The following CHIC2 variants were observed in gnomAD, a reference collection of about 807,000 sequenced individuals.
The protein encoded by CHIC2 is cysteine rich hydrophobic domain 2, also known as cysteine-rich hydrophobic domain-containing protein 2.
Under a neutral mutation model 25.9 loss-of-function variants are expected in CHIC2, and 14 were observed. The observed-to-expected ratio is 0.54, with a 90% CI of 0.36 to 0.85. The LOEUF is 0.85. CHIC2 is among the 40% of genes least tolerant of loss of function. The pLI is 0.01. For synonymous variants in CHIC2, 70 were observed against 72.0 expected, an observed-to-expected ratio of 0.97 and a Z score of 0.14; for missense variants, 146 against 202.0, an observed-to-expected ratio of 0.72 and a Z score of 1.68.
At chr4:54,080,942 GTATATATATATATATA>G in the CHIC2 span, among the ~76,000 whole-genome samples, 16,406 of 101,164 alleles carry the variant, frequency 0.16, 1,214 homozygotes, top group Middle Eastern at 0.23. Context: ...ATGTGTGTGT[GTATATATATATATATA>G]TATATATATA....
intron 3 of CHIC2, among the ~76,000 whole-genome samples, chr4:54,037,874 T>A (rs1216616139): frequency 6.6e-6 from 1 of 152,018 alleles, no homozygotes; most frequent in Non-Finnish European, 1.5e-5. Flanking sequence ...TATAAAAATG[T>A]GTAGGATATA....
intron 1 of CHIC2, among the ~76,000 whole-genome samples, chr4:54,058,549 TACACACACATACACACACAC>T (rs1321231955): frequency 7.1e-5 from 9 of 126,924 alleles, no homozygotes; most frequent in Non-Finnish European, 1.5e-4. Flanking sequence ...CATACACACA[TACACACACATACACACACAC>T]ACACACACAC....
the CHIC2 span, among the ~76,000 whole-genome samples, chr4:54,086,146 T>C: frequency 0.018 from 2,803 of 152,134 alleles, 33 homozygotes; most frequent in Non-Finnish European, 0.028. Context: ...CTGCTTTATA[T>C]GCTTAGGAAA....
chr4:54,029,302 T>C (rs570611196), intron 3 of CHIC2, among the ~76,000 whole-genome samples: 52 of 152,178 alleles, frequency 3.4e-4, no homozygotes, highest in Non-Finnish European at 7.5e-4. Flanking sequence ...TCACTGTACA[T>C]TAGAACAGTA....
chr4:54,065,332 C>T (rs1427590769), upstream of CHIC2: 5 of 984,240 alleles, frequency 5.1e-6, no homozygotes, highest in Non-Finnish European at 6.0e-6. Flanking sequence ...GATGCAGTTT[C>T]TTGCCCCAAC....
At chr4:54,019,107 A>G (rs74566799) in intron 3 of CHIC2, among the ~76,000 whole-genome samples, 3,091 of 152,082 alleles carry the variant, frequency 0.02, 74 homozygotes, top group Non-Finnish European at 0.034. Flanking sequence ...AACATAAGAG[A>G]ACTTAAGAGG....
At chr4:54,019,260 T>C (rs1715828629) in intron 3 of CHIC2, among the ~76,000 whole-genome samples, 1 of 151,944 alleles carries the variant, frequency 6.6e-6, no homozygotes, top group Non-Finnish European at 1.5e-5. Context: ...AAAACTAGAA[T>C]ATGATTTCTC....
At chr4:54,077,204 G>C in the CHIC2 span, among the ~76,000 whole-genome samples, 1 of 152,202 alleles carries the variant, frequency 6.6e-6, no homozygotes. Context: ...TTTTCATGCT[G>C]TTATAATCAG....
At chr4:54,074,193 G>A in the CHIC2 span, among the ~76,000 whole-genome samples, 1 of 151,652 alleles carries the variant, frequency 6.6e-6, no homozygotes, top group African/African-American at 2.4e-5. Flanking sequence ...TCTCTTCTGT[G>A]TCTGTGTGTA....
At chr4:54,090,140 A>C in the CHIC2 span, among the ~76,000 whole-genome samples, 1 of 152,124 alleles carries the variant, frequency 6.6e-6, no homozygotes, top group Admixed American at 6.5e-5. Flanking sequence ...ATTTCTAATG[A>C]AGGATACTCA....
intron 1 of CHIC2, among the ~76,000 whole-genome samples, chr4:54,058,555 C>T (rs1156294461): frequency 1.7e-5 from 2 of 119,248 alleles, no homozygotes; most frequent in Non-Finnish European, 3.2e-5. Context: ...CACATACACA[C>T]ACATACACAC....
the CHIC2 span, among the ~76,000 whole-genome samples, chr4:54,070,505 C>G: frequency 6.6e-6 from 1 of 152,122 alleles, no homozygotes; most frequent in African/African-American, 2.4e-5. Context: ...TCACTACAAC[C>G]TCCACCTCCC....
At chr4:54,057,902 G>A (rs1282721609) in intron 1 of CHIC2, among the ~76,000 whole-genome samples, 1 of 152,118 alleles carries the variant, frequency 6.6e-6, no homozygotes, top group Non-Finnish European at 1.5e-5. Context: ...TGGTTGTTTT[G>A]CTTCCAAGAA....
At chr4:54,056,248 C>A (rs1026062073) in intron 1 of CHIC2, among the ~76,000 whole-genome samples, 4 of 151,894 alleles carry the variant, frequency 2.6e-5, no homozygotes, top group African/African-American at 4.8e-5. Flanking sequence ...TAACTTCTGG[C>A]GATATAGGGA....
rs192058697 is a variant in CHIC2, at chr4:54,045,369, T to G, written c.330+3586A>C. 2.3e-3 allele frequency among the ~76,000 whole-genome samples: 354 copies of G among 152,260 alleles called. 1 individual carries two copies. The highest frequency in any genetic ancestry group is 8.1e-3 in the African/African-American group (337 of 41,534). On this transcript the variant is annotated intron_variant, in intron 3 of 5. Transcript: ENST00000263921. The stretch of plus-strand genomic sequence containing the variant: ...AAAAAAAGAGAATTTTAGACCAATA[T>G]CCTTGATGAACAGTGATGCAAAAAT...
chr4:54,085,243 T>C, the CHIC2 span, among the ~76,000 whole-genome samples: 4 of 152,232 alleles, frequency 2.6e-5, no homozygotes, highest in Non-Finnish European at 4.4e-5. Context: ...TTCTGAATTA[T>C]ATTACCTTTT....
the CHIC2 span, among the ~76,000 whole-genome samples, chr4:54,085,715 C>A: frequency 6.6e-6 from 1 of 152,036 alleles, no homozygotes; most frequent in Non-Finnish European, 1.5e-5. Context: ...TAAAGAATTC[C>A]ACAGGCCGAC....
the CHIC2 span, among the ~76,000 whole-genome samples, chr4:54,073,017 G>A: frequency 3.3e-5 from 5 of 152,030 alleles, no homozygotes; most frequent in South Asian, 2.1e-4. Flanking sequence ...GCAGTGAGCC[G>A]AGATCGTGCC....
Position 54,064,193 on chromosome 4 carries a change from AC to A in CHIC2, c.107del (p.Gly36ValfsTer8). On this transcript the variant is annotated frameshift_variant, in exon 1 of 6. Transcript: ENST00000263921. LOFTEE classifies it high-confidence loss of function. This position sits in a 1 kb window ranked among gnomAD's most constrained non-coding sequence, Gnocchi z 4.2. Reference sequence around the variant, plus strand: ...CCTCCGGGCCTTACACGGTGACGTGACCGGAGCCGCGGACGACCACCGGGTC... The same window carrying A: ...CCTCCGGGCCTTACACGGTGACGTGACGGAGCCGCGGACGACCACCGGGTC... ...SPDPVVVRGS[G>X]HVTVFGLSNK... The A allele has an allele frequency of 6.2e-7, 1 of 1,603,802 alleles. No individual in the cohort carries two copies. The highest frequency in any genetic ancestry group is 8.5e-7 in the Non-Finnish European group (1 of 1,175,388).
Sources: gnomAD v4.1 joint callset for allele counts (sites outside exome capture counted in the v4.1 genomes callset) on GRCh38, gnomAD v4.1.1 for gene constraint, Gnocchi (gnomAD v3.1) non-coding constraint, MANE v1.5 for transcripts, NCBI Gene and HGNC (gene_info 2026-07-23, HGNC 2026-07-21) for gene names.